Variants in ROBO2 observed in about 807,000 individuals in gnomAD.
The protein encoded by ROBO2 is roundabout homolog 2.
ROBO2 carries 53 observed loss-of-function variants against 160.8 expected under a neutral mutation model. That is an observed-to-expected ratio of 0.33 (90% CI 0.26 to 0.41). The LOEUF (loss-of-function observed/expected upper bound fraction) is 0.41, where lower values mean the gene tolerates loss of function less well. Among genes scored for constraint, ROBO2 ranks in the 10% least tolerant of loss-of-function variants. The pLI is 1.00. For missense variants in ROBO2, 1,577 were observed against 1,722.4 expected (o/e 0.92, Z 1.49); for synonymous variants, 664 against 611.7 (o/e 1.09, Z -1.26).
Position 77,300,250 on chromosome 3 carries a change from C to G in ROBO2, c.389-177164C>G, listed in dbSNP as rs985915072. On this transcript the variant is annotated intron_variant, in intron 2 of 25. Transcript: ENST00000461745. ...ACTCTGCCTAGAGTTTTACCATTTG[C>G]TATGCTGCCTCACATATTCCAAAAA... Among the ~76,000 whole-genome samples the G allele has an allele frequency of 8.7e-5, 13 of 149,032 alleles. 1 individual carries two copies. The highest frequency in any genetic ancestry group is 3.2e-4 in the African/African-American group (13 of 40,260).
intron 2 of ROBO2, among the ~76,000 whole-genome samples, chr3:76,750,824 T>G (rs79012093): frequency 0.32 from 47,915 of 152,064 alleles, 9,364 homozygotes; most frequent in Non-Finnish European, 0.43. Context: ...GAACATTCCA[T>G]GCTCATGGGT....
intron 6 of ROBO2, among the ~76,000 whole-genome samples, chr3:77,531,801 G>A (rs990678210): frequency 6.6e-6 from 1 of 152,032 alleles, no homozygotes; most frequent in African/African-American, 2.4e-5. Context: ...ACCTTGAAAG[G>A]AGACCTAGAA....
intron 2 of ROBO2, among the ~76,000 whole-genome samples, chr3:76,261,309 A>G (rs1463653792): frequency 6.6e-6 from 1 of 151,590 alleles, no homozygotes; most frequent in Non-Finnish European, 1.5e-5. Flanking sequence ...CTTTACCTGG[A>G]GAGTCTTTAC....
intron 2 of ROBO2, among the ~76,000 whole-genome samples, chr3:76,621,885 G>T (rs540352238): frequency 4.0e-4 from 61 of 152,252 alleles, no homozygotes; most frequent in South Asian, 3.5e-3. Flanking sequence ...TGAACTGCTT[G>T]TCAAATGATT....
At chr3:76,601,651 C>A (rs1015716072) in intron 2 of ROBO2, among the ~76,000 whole-genome samples, 1 of 152,070 alleles carries the variant, frequency 6.6e-6, no homozygotes, top group Non-Finnish European at 1.5e-5. Flanking sequence ...CATGGGAACC[C>A]TAGGCCTGGC....
intron 2 of ROBO2, among the ~76,000 whole-genome samples, chr3:76,189,866 TGA>T (rs1222495883): frequency 6.6e-6 from 1 of 152,070 alleles, no homozygotes; most frequent in Non-Finnish European, 1.5e-5. Flanking sequence ...GATGAGAAAC[TGA>T]GGTTTCGAAG....
intron 22 of ROBO2, among the ~76,000 whole-genome samples, chr3:77,618,519 G>C (rs956257833): frequency 1.3e-5 from 2 of 151,950 alleles, no homozygotes; most frequent in Admixed American, 1.3e-4. Context: ...AAAAGCCCAG[G>C]CTTTTATATC....
intron 2 of ROBO2, among the ~76,000 whole-genome samples, chr3:76,620,571 T>C (rs965929601): frequency 3.9e-5 from 6 of 152,194 alleles, no homozygotes; most frequent in Non-Finnish European, 7.4e-5. Context: ...AATATATCAA[T>C]TAATTACCCA....
chr3:76,536,194 T>A (rs1253307899), intron 2 of ROBO2, among the ~76,000 whole-genome samples: 1 of 152,206 alleles, frequency 6.6e-6, no homozygotes, highest in African/African-American at 2.4e-5. Flanking sequence ...GCTGAAGGCG[T>A]GGCTGAGGTT....
chr3:76,614,146 T>C (rs1270965907), intron 2 of ROBO2, among the ~76,000 whole-genome samples: 2 of 152,134 alleles, frequency 1.3e-5, no homozygotes, highest in Non-Finnish European at 2.9e-5. Flanking sequence ...TTCAGAAGCA[T>C]GAACTATGCA....
intron 2 of ROBO2, among the ~76,000 whole-genome samples, chr3:76,297,213 G>A (rs1709119173): frequency 6.6e-6 from 1 of 152,148 alleles, no homozygotes; most frequent in African/African-American, 2.4e-5. Flanking sequence ...TTACAGATAA[G>A]GAAATTAAAG....
intron 2 of ROBO2, among the ~76,000 whole-genome samples, chr3:76,028,627 T>C (rs72890383): frequency 0.022 from 3,295 of 151,782 alleles, 123 homozygotes; most frequent in African/African-American, 0.074. Context: ...ATAGAAAAAT[T>C]AAGAAAAAAA....
intron 2 of ROBO2, among the ~76,000 whole-genome samples, chr3:76,774,811 C>T (rs1433199361): frequency 1.3e-5 from 1 of 77,350 alleles, no homozygotes; most frequent in Non-Finnish European, 2.6e-5. Flanking sequence ...CTTAGAATAT[C>T]CTCTTTTTTT....
At chr3:77,052,393 A>G (rs1300936998) in intron 1 of ROBO2, among the ~76,000 whole-genome samples, 1 of 152,184 alleles carries the variant, frequency 6.6e-6, no homozygotes, top group Non-Finnish European at 1.5e-5. Flanking sequence ...CTTGAGAGTT[A>G]TTCATGGGGC....
chr3:76,874,712 T>G (rs147270736), intron 2 of ROBO2, among the ~76,000 whole-genome samples: 4 of 152,068 alleles, frequency 2.6e-5, no homozygotes, highest in Admixed American at 2.0e-4. Context: ...AATGGAAAAC[T>G]TTAAAGGGGC....
At chr3:76,938,760 G>A (rs925611427) in intron 2 of ROBO2, among the ~76,000 whole-genome samples, 2 of 151,882 alleles carry the variant, frequency 1.3e-5, no homozygotes, top group African/African-American at 2.4e-5. Context: ...CCCTGAGGTC[G>A]GGAGATAAAG....
chr3:76,667,141 CA>C (rs1575821649), intron 2 of ROBO2, among the ~76,000 whole-genome samples: 2 of 151,994 alleles, frequency 1.3e-5, no homozygotes, highest in African/African-American at 4.8e-5. Flanking sequence ...AAAAACGTCC[CA>C]GGGGAGAAGT....
At chr3:77,622,900 T>G (rs1337311813) in intron 23 of ROBO2, among the ~76,000 whole-genome samples, 1 of 152,218 alleles carries the variant, frequency 6.6e-6, no homozygotes, top group Non-Finnish European at 1.5e-5. Flanking sequence ...GTATTATTTT[T>G]AGAATGAAGA....
At chr3:76,608,382 C>T (rs1268830823) in intron 2 of ROBO2, among the ~76,000 whole-genome samples, 2 of 152,148 alleles carry the variant, frequency 1.3e-5, no homozygotes, top group African/African-American at 2.4e-5. Context: ...GAAGGAAAGA[C>T]AAAATTAAAA....
Sources: gnomAD v4.1 joint callset for allele counts (sites outside exome capture counted in the v4.1 genomes callset) on GRCh38, gnomAD v4.1.1 for gene constraint, MANE v1.5 for transcripts, NCBI Gene and HGNC (gene_info 2026-07-23, HGNC 2026-07-21) for gene names.